The following NPSR1 variants were observed in gnomAD, a reference collection of about 807,000 sequenced individuals.
NPSR1 encodes neuropeptide S receptor.
NPSR1 carries 48 observed loss-of-function variants against 46.9 expected under a neutral mutation model. The observed-to-expected ratio is 1.02, with a 90% CI of 0.81 to 1.30. The LOEUF (loss-of-function observed/expected upper bound fraction) is 1.30. Among genes scored for constraint, NPSR1 ranks in the 50% most tolerant of loss-of-function variants. The pLI is 0.00. For missense variants in NPSR1, 450 were observed against 449.5 expected, an observed-to-expected ratio of 1.00 and a Z score of -0.01; for synonymous variants, 176 against 168.1, an observed-to-expected ratio of 1.05 and a Z score of -0.36.
chr7:34,855,599 T>A (rs1562774863), intron 8 of NPSR1, among the ~76,000 whole-genome samples: 1 of 152,068 alleles, frequency 6.6e-6, no homozygotes, highest in Non-Finnish European at 1.5e-5. Context: ...GTACTAAAAT[T>A]TAAGGACAAA....
At chr7:34,782,264 T>C (rs1031788343) in intron 3 of NPSR1, among the ~76,000 whole-genome samples, 5 of 152,126 alleles carry the variant, frequency 3.3e-5, no homozygotes, top group African/African-American at 1.2e-4. Context: ...CTCAGTTTCA[T>C]GGCTACTCCA....
At chr7:34,854,463 T>TTTTCAAA (rs1295229610), downstream of NPSR1, among the ~76,000 whole-genome samples, 1 of 152,150 alleles carries the variant, frequency 6.6e-6, no homozygotes, top group Non-Finnish European at 1.5e-5. Context: ...AATCAAAGAA[T>TTTTCAAA]GGATCAAGGT....
chr7:34,792,084 T>G (rs1787908017), intron 3 of NPSR1, among the ~76,000 whole-genome samples: 1 of 152,062 alleles, frequency 6.6e-6, no homozygotes, highest in Admixed American at 6.6e-5. Flanking sequence ...ATTAAAGACT[T>G]AAATGTAAGA....
At chr7:34,684,800 T>G in intron 2 of NPSR1, 116 bp downstream of exon 2, 1 of 848,130 alleles carries the variant, frequency 1.2e-6, no homozygotes, top group Non-Finnish European at 1.7e-6. Context: ...AATTTGGGAA[T>G]AATTTCTGAA....
intron 3 of NPSR1, among the ~76,000 whole-genome samples, chr7:34,788,387 G>GA (rs1787564542): frequency 1.3e-5 from 2 of 151,338 alleles, no homozygotes; most frequent in East Asian, 1.9e-4. Context: ...GTGGAAGACA[G>GA]AAAAAAAATA....
chr7:34,772,416 T>C (rs1253135567), intron 2 of NPSR1, among the ~76,000 whole-genome samples: 1 of 152,218 alleles, frequency 6.6e-6, no homozygotes, highest in Admixed American at 6.5e-5. Flanking sequence ...GCATACTCTA[T>C]TTCTGAGCAG....
chr7:34,814,593 G>A (rs909929281), intron 4 of NPSR1, among the ~76,000 whole-genome samples: 1 of 152,222 alleles, frequency 6.6e-6, no homozygotes, highest in Non-Finnish European at 1.5e-5. Flanking sequence ...GCCTCCTCAA[G>A]TGGGTCCCTG....
At chr7:34,707,162 T>G (rs1794154128) in intron 2 of NPSR1, among the ~76,000 whole-genome samples, 1 of 152,246 alleles carries the variant, frequency 6.6e-6, no homozygotes, top group African/African-American at 2.4e-5. Context: ...TTTACCCTTG[T>G]TAAACCTTCA....
downstream of NPSR1, among the ~76,000 whole-genome samples, chr7:34,850,966 G>A (rs781210382): frequency 6.6e-6 from 1 of 152,162 alleles, no homozygotes; most frequent in Non-Finnish European, 1.5e-5. Context: ...TGGTACTTAT[G>A]AGCATAATCC....
intron 2 of NPSR1, among the ~76,000 whole-genome samples, chr7:34,707,024 C>G (rs1794147441): frequency 6.6e-6 from 1 of 152,014 alleles, no homozygotes; most frequent in African/African-American, 2.4e-5. Context: ...TGTCCTATCG[C>G]TATGTGAATA....
chr7:34,787,866 T>C (rs970099979), intron 3 of NPSR1, among the ~76,000 whole-genome samples: 1 of 152,022 alleles, frequency 6.6e-6, no homozygotes, highest in Non-Finnish European at 1.5e-5. Context: ...AAACATCACT[T>C]GATCACAGAT....
chr7:34,771,750 T>A (rs921169410), intron 2 of NPSR1, among the ~76,000 whole-genome samples: 1 of 152,212 alleles, frequency 6.6e-6, no homozygotes, highest in Admixed American at 6.5e-5. Context: ...CACCTCTAAC[T>A]TTCTCTGAAA....
Position 34,684,675 on chromosome 7 carries a change from G to GC in NPSR1, c.273dup (p.Ile92HisfsTer16), listed in dbSNP as rs1418091958. Reference sequence around the variant, plus strand: ...AATGACCTTCTTTGTGACTCAGCTGGCCATCACAGGTAAGTAACTATGCAA... The same window carrying GC: ...AATGACCTTCTTTGTGACTCAGCTGGCCCATCACAGGTAAGTAACTATGCAA... On this transcript the variant is annotated frameshift_variant, in exon 2 of 9. Transcript: ENST00000360581. LOFTEE classifies it high-confidence loss of function. 1 of 1,611,260 alleles carries GC rather than the reference G, an allele frequency of 6.2e-7. No homozygotes were observed. The highest frequency in any genetic ancestry group is 8.5e-7 in the Non-Finnish European group (1 of 1,178,938).
intron 4 of NPSR1, among the ~76,000 whole-genome samples, chr7:34,820,996 T>C (rs1789526415): frequency 2.0e-5 from 3 of 152,150 alleles, no homozygotes; most frequent in African/African-American, 7.2e-5. Context: ...GAACCCGCAC[T>C]GCCCATCATG....
intron 3 of NPSR1, among the ~76,000 whole-genome samples, chr7:34,810,788 G>C (rs1248746605): frequency 2.0e-5 from 3 of 152,238 alleles, no homozygotes; most frequent in Non-Finnish European, 4.4e-5. Flanking sequence ...AAGGGAATAA[G>C]TGAGCAAGAA....
At chr7:34,759,605 A>G (rs1348935932) in intron 2 of NPSR1, among the ~76,000 whole-genome samples, 3 of 152,124 alleles carry the variant, frequency 2.0e-5, no homozygotes, top group Admixed American at 6.5e-5. Context: ...GCCATCTCCA[A>G]TGAGCCAAGT....
At chr7:34,740,977 T>C (rs1274963134) in intron 2 of NPSR1, among the ~76,000 whole-genome samples, 1 of 152,220 alleles carries the variant, frequency 6.6e-6, no homozygotes. Context: ...GACAGGATTA[T>C]TTTTCTTTCA....
At chr7:34,781,006 T>C (rs530736503) in intron 3 of NPSR1, among the ~76,000 whole-genome samples, 2 of 152,266 alleles carry the variant, frequency 1.3e-5, no homozygotes, top group African/African-American at 4.8e-5. Flanking sequence ...GAGATATCCA[T>C]AGGGGATTTG....
intron 5 of NPSR1, among the ~76,000 whole-genome samples, chr7:34,831,123 G>A (rs1168628613): frequency 6.6e-6 from 1 of 152,148 alleles, no homozygotes; most frequent in Admixed American, 6.5e-5. Flanking sequence ...CAGTTTGACT[G>A]TATCTCATGA....
Sources: allele counts gnomAD v4.1 joint callset (sites outside exome capture counted in the v4.1 genomes callset), GRCh38; gene constraint gnomAD v4.1.1; transcripts MANE v1.5; gene names NCBI Gene and HGNC (gene_info 2026-07-23, HGNC 2026-07-21).